The following DMD variants were observed in gnomAD, a reference collection of about 807,000 sequenced individuals.
DMD encodes mutant dystrophin.
DMD carries 63 observed loss-of-function variants against 330.1 expected under a neutral mutation model. That is an observed-to-expected ratio of 0.19 (90% confidence interval 0.16 to 0.24). The LOEUF is 0.24. Ranked by LOEUF, DMD falls within the 10% of genes least tolerant of loss-of-function variation. The probability of loss-of-function intolerance (pLI) is 1.00; values close to 1 mark genes in which losing one functional copy is unlikely to be tolerated. For synonymous variants in DMD, 1,223 were observed against 959.8 expected, an observed-to-expected ratio of 1.27 and a Z score of -5.07; for missense variants, 3,344 against 2,684.1, an observed-to-expected ratio of 1.25 and a Z score of -5.43.
intron 7 of DMD, among the ~76,000 whole-genome samples, chrX:32,744,663 G>C (rs1410160741): frequency 9.0e-6 from 1 of 111,008 alleles, no homozygotes; most frequent in Non-Finnish European, 1.9e-5. Flanking sequence ...GATCATCCTA[G>C]CATACTTCAC....
At chrX:33,112,468 C>T (rs1320722674) in intron 1 of DMD, among the ~76,000 whole-genome samples, 1 of 111,419 alleles carries the variant, frequency 9.0e-6, no homozygotes, top group Non-Finnish European at 1.9e-5. Context: ...CAAAGAGAGT[C>T]TATAACGCTA....
In DMD at chrX:31,209,623, A is replaced by C. The variant is rs1602729216; in HGVS notation, c.9438T>G (p.Asp3146Glu). 1 of 1,211,780 alleles carries C rather than the reference A, an allele frequency of 8.3e-7. No homozygotes were observed. The highest frequency in any genetic ancestry group is 3.0e-5 in the East Asian group (1 of 33,843). ...HNLKQNDQPM[D>E]ILQIINCLTT... Reference sequence around the variant, plus strand: ...TCAAACAATTAATAATCTGCAGGATATCCATGGGCTGGTCATTTTGCTTGA... The same window carrying C: ...TCAAACAATTAATAATCTGCAGGATCTCCATGGGCTGGTCATTTTGCTTGA... The change falls in exon 65 of 79, where the codon GAT becomes GAG. Residue 3146 changes from aspartate to glutamate, a missense_variant. Coordinates refer to ENST00000357033, the MANE Select transcript of DMD (RefSeq NM_004006.3).
intron 7 of DMD, among the ~76,000 whole-genome samples, chrX:32,727,756 CACAT>C (rs2067055500): frequency 9.1e-6 from 1 of 109,601 alleles, no homozygotes; most frequent in African/African-American, 3.4e-5. Context: ...TATATACATA[CACAT>C]ACACACATAT....
At chrX:31,397,652 T>C (rs1424655242) in intron 60 of DMD, among the ~76,000 whole-genome samples, 2 of 112,151 alleles carry the variant, frequency 1.8e-5, no homozygotes, top group African/African-American at 6.5e-5. Flanking sequence ...AAAGAGGAAA[T>C]AGCTATCTGC....
At position 32,735,333 on chromosome X, in the gene DMD, A is replaced by G. The variant is rs751702079; in HGVS notation, c.650-36040T>C. On this transcript the variant is annotated intron_variant, in intron 7 of 78. Transcript: ENST00000357033. ...AAGAATCAATATCGTGAAAATGGCCATACTGCCCAAGGTAATTTACAGATT... is the reference window on the plus strand; with the variant it reads ...AAGAATCAATATCGTGAAAATGGCCGTACTGCCCAAGGTAATTTACAGATT... Among the ~76,000 whole-genome samples, 3 of 110,700 alleles carry G rather than the reference A, an allele frequency of 2.7e-5. No individual in the cohort carries two copies. The South Asian group carries it at 1.2e-3, about 43-fold the overall frequency.
chrX:33,075,247 A>G (rs997250395), intron 1 of DMD, among the ~76,000 whole-genome samples: 4 of 111,658 alleles, frequency 3.6e-5, no homozygotes, highest in African/African-American at 1.3e-4. Context: ...GCACAGGAGG[A>G]CCCTTGCCCA....
At chrX:31,622,033 A>T (rs1000911322) in intron 55 of DMD, among the ~76,000 whole-genome samples, 5 of 111,677 alleles carry the variant, frequency 4.5e-5, no homozygotes, top group Admixed American at 1.9e-4. Context: ...AGATATTTTT[A>T]AAATCTCCCC....
intron 20 of DMD, 149 bp from the exon 21 acceptor site, chrX:32,485,248 G>T: frequency 1.9e-6 from 1 of 537,760 alleles, no homozygotes; most frequent in Admixed American, 2.8e-5. Flanking sequence ...GTATAGACAA[G>T]CCTCTATCAC....
intron 2 of DMD, among the ~76,000 whole-genome samples, chrX:32,896,294 G>A (rs757017309): frequency 9.0e-6 from 1 of 111,581 alleles, no homozygotes. Flanking sequence ...TTACTTTAAC[G>A]CCTTTCATCA....
At chrX:32,527,710 T>C (rs767469541) in intron 17 of DMD, among the ~76,000 whole-genome samples, 12 of 111,769 alleles carry the variant, frequency 1.1e-4, no homozygotes, top group Non-Finnish European at 1.9e-4. Context: ...GACTTTGAGA[T>C]GCATTGACTA....
intron 43 of DMD, among the ~76,000 whole-genome samples, chrX:32,239,319 A>T (rs2124749): frequency 0.37 from 41,054 of 110,534 alleles, 6,273 homozygotes; most frequent in African/African-American, 0.58. Flanking sequence ...TTTATCTTCT[A>T]CTTTTGAACT....
chrX:32,652,855 C>T (rs2060266028), intron 9 of DMD, among the ~76,000 whole-genome samples: 1 of 111,895 alleles, frequency 8.9e-6, no homozygotes, highest in Admixed American at 9.5e-5. Flanking sequence ...GTTCACCATT[C>T]TAACTATGTG....
At chrX:33,083,957 G>A (rs1465813624) in intron 1 of DMD, among the ~76,000 whole-genome samples, 4 of 110,883 alleles carry the variant, frequency 3.6e-5, no homozygotes, top group African/African-American at 1.3e-4. Flanking sequence ...GAATGAAGCA[G>A]GCATTGGCAG....
chrX:32,390,435 T>A (rs1378136591), intron 30 of DMD, among the ~76,000 whole-genome samples: 1 of 109,808 alleles, frequency 9.1e-6, no homozygotes, highest in African/African-American at 3.3e-5. Context: ...AACGATTTAT[T>A]TCTTCCCTAT....
intron 6 of DMD, among the ~76,000 whole-genome samples, chrX:32,812,382 C>T (rs2077434190): frequency 8.9e-6 from 1 of 112,405 alleles, no homozygotes; most frequent in South Asian, 3.7e-4. Flanking sequence ...CCTATACTCC[C>T]AGCACTTTGG....
chrX:32,691,525 T>C (rs1329711465), intron 9 of DMD, among the ~76,000 whole-genome samples: 2 of 111,351 alleles, frequency 1.8e-5, no homozygotes, highest in African/African-American at 6.5e-5. Context: ...TTAGTAAGGA[T>C]GTGGAATAAT....
chrX:33,070,702 T>TATAA (rs2094741326), intron 1 of DMD, among the ~76,000 whole-genome samples: 9 of 94,336 alleles, frequency 9.5e-5, no homozygotes, highest in African/African-American at 3.1e-4. Context: ...TATATATATA[T>TATAA]ATATATATGT....
chrX:32,136,658 C>G (rs1369842641), intron 44 of DMD, among the ~76,000 whole-genome samples: 1 of 112,287 alleles, frequency 8.9e-6, no homozygotes, highest in Non-Finnish European at 1.9e-5. Context: ...CCTTGTCCTT[C>G]AAAAAACAGG....
intron 12 of DMD, among the ~76,000 whole-genome samples, chrX:32,598,869 A>C (rs748376743): frequency 8.9e-6 from 1 of 111,987 alleles, no homozygotes; most frequent in East Asian, 2.8e-4. Flanking sequence ...ATCTAACACA[A>C]GAACCCTCTG....
Sources: gnomAD v4.1 joint callset for allele counts (sites outside exome capture counted in the v4.1 genomes callset) on GRCh38, gnomAD v4.1.1 for gene constraint, MANE v1.5 for transcripts, NCBI Gene and HGNC (gene_info 2026-07-23, HGNC 2026-07-21) for gene names.